The following SPATA17 variants were observed in gnomAD, a reference collection of about 807,000 sequenced individuals.
SPATA17 encodes the protein spermatogenesis associated 17.
In SPATA17, 53 loss-of-function variants were observed where a neutral mutation model predicts 62.2. The ratio of observed to expected loss-of-function variants is 0.85; its 90% CI spans 0.68 to 1.07. SPATA17 has a LOEUF of 1.07. Ranked by LOEUF, SPATA17 falls within the 50% of genes least tolerant of loss-of-function variation. The pLI, the probability that SPATA17 is intolerant of heterozygous loss-of-function variation, is 0.00. For missense variants in SPATA17, 466 were observed against 425.5 expected (o/e 1.10, Z -0.84); for synonymous variants, 146 against 146.8 (o/e 0.99, Z 0.04).
intron 6 of SPATA17, among the ~76,000 whole-genome samples, chr1:217,742,832 G>A (rs1462307338): frequency 1.3e-5 from 2 of 152,010 alleles, no homozygotes; most frequent in African/African-American, 4.8e-5. Flanking sequence ...CAAGTTCAGT[G>A]TTGTAGTTCT....
intron 5 of SPATA17, among the ~76,000 whole-genome samples, chr1:217,687,965 C>A (rs1368115160): frequency 6.6e-6 from 1 of 152,164 alleles, no homozygotes; most frequent in African/African-American, 2.4e-5. Context: ...TATATATAAA[C>A]TATGATTAGT....
At chr1:217,792,367 A>C (rs1674015301) in intron 8 of SPATA17, among the ~76,000 whole-genome samples, 1 of 152,232 alleles carries the variant, frequency 6.6e-6, no homozygotes, top group Non-Finnish European at 1.5e-5. Context: ...AAAGACCCAA[A>C]GAAAAACTGG....
chr1:217,717,343 C>T (rs975191726), intron 5 of SPATA17, among the ~76,000 whole-genome samples: 1 of 152,150 alleles, frequency 6.6e-6, no homozygotes, highest in Non-Finnish European at 1.5e-5. Flanking sequence ...GGCACGGTGG[C>T]TCACACCTGT....
chr1:217,750,006 T>TATATATATATATATATATATATATATAC (rs1172405177), intron 6 of SPATA17, among the ~76,000 whole-genome samples: 2 of 129,014 alleles, frequency 1.6e-5, no homozygotes, highest in Non-Finnish European at 3.3e-5. Flanking sequence ...TATATATATA[T>TATATATATATATATATATATATATATAC]ATATATGAGG....
At chr1:217,852,081 T>C (rs1675679332) in intron 9 of SPATA17, among the ~76,000 whole-genome samples, 1 of 152,122 alleles carries the variant, frequency 6.6e-6, no homozygotes, top group African/African-American at 2.4e-5. Context: ...GAATGAAACA[T>C]GTACCCTGTT....
intron 5 of SPATA17, among the ~76,000 whole-genome samples, chr1:217,684,840 C>A (rs1671179472): frequency 6.6e-6 from 1 of 152,090 alleles, no homozygotes; most frequent in Non-Finnish European, 1.5e-5. Context: ...ACTAATTTCC[C>A]AACTACTAAC....
intron 6 of SPATA17, among the ~76,000 whole-genome samples, chr1:217,761,998 C>T (rs189209374): frequency 6.6e-6 from 1 of 152,310 alleles, no homozygotes; most frequent in East Asian, 1.9e-4. Context: ...TGCTGTTCCA[C>T]CTCTTCGTAG....
Position 217,869,641 on chromosome 1 carries a change from A to G in SPATA17, c.*2622A>G, listed in dbSNP as rs1676089735. On this transcript the variant is annotated 3_prime_UTR_variant, in exon 11 of 11. Transcript: ENST00000366933. ...TACTACAGTCAGGCTGAAACTTGGC[A>G]TCTTATTGCTATGAAAAATCTTAAG... 6.6e-6 allele frequency: 1 copy of G among 152,106 alleles called. No homozygotes were observed. The highest frequency in any genetic ancestry group is 1.5e-5 in the Non-Finnish European group (1 of 68,018). The allele number at this position is 152,106 out of a possible 1,614,324, so 9.4% of individuals were successfully genotyped here.
intron 6 of SPATA17, among the ~76,000 whole-genome samples, chr1:217,749,076 T>A (rs1203388399): frequency 1.3e-5 from 2 of 152,216 alleles, no homozygotes; most frequent in Non-Finnish European, 2.9e-5. Context: ...TGTGTATCTA[T>A]GTGCCATATG....
At chr1:217,717,478 G>A (rs1271431507) in intron 5 of SPATA17, among the ~76,000 whole-genome samples, 1 of 152,108 alleles carries the variant, frequency 6.6e-6, no homozygotes, top group East Asian at 1.9e-4. Context: ...TGGCGAGGTG[G>A]TGGGCTCCTG....
At chr1:217,720,978 T>C (rs1046915280) in intron 5 of SPATA17, among the ~76,000 whole-genome samples, 1 of 152,144 alleles carries the variant, frequency 6.6e-6, no homozygotes, top group Non-Finnish European at 1.5e-5. Flanking sequence ...TAGAAAGACA[T>C]ATATATCCAG....
intron 3 of SPATA17, among the ~76,000 whole-genome samples, chr1:217,662,032 CT>C (rs1314612955): frequency 1.3e-5 from 2 of 152,224 alleles, no homozygotes; most frequent in East Asian, 3.9e-4. Flanking sequence ...TAGAAATATC[CT>C]TTCATTTGCT....
At chr1:217,853,847 T>C (rs143241739) in intron 9 of SPATA17, among the ~76,000 whole-genome samples, 1 of 152,316 alleles carries the variant, frequency 6.6e-6, no homozygotes, top group East Asian at 1.9e-4. Context: ...CTAGCATGTA[T>C]GTTCTCTACA....
At chr1:217,795,773 G>A (rs1159330063) in intron 8 of SPATA17, among the ~76,000 whole-genome samples, 2 of 151,958 alleles carry the variant, frequency 1.3e-5, no homozygotes, top group East Asian at 3.9e-4. Context: ...GGATATAGTT[G>A]TTTGTATTTC....
intron 4 of SPATA17, among the ~76,000 whole-genome samples, chr1:217,669,649 G>T (rs187186677): frequency 5.5e-4 from 83 of 152,232 alleles, no homozygotes; most frequent in Admixed American, 5.0e-3. Context: ...TTTTGTTTCA[G>T]ACAATATGAT....
At chr1:217,803,750 G>A (rs1674369094) in intron 9 of SPATA17, among the ~76,000 whole-genome samples, 1 of 152,174 alleles carries the variant, frequency 6.6e-6, no homozygotes, top group South Asian at 2.1e-4. Context: ...AGGCAGGGTG[G>A]CTCATGCCTG....
intron 4 of SPATA17, among the ~76,000 whole-genome samples, chr1:217,679,851 A>G (rs1050138938): frequency 3.3e-5 from 5 of 152,166 alleles, no homozygotes; most frequent in Admixed American, 2.6e-4. Flanking sequence ...TTACTTGAAC[A>G]CAAATTTTTC....
intron 7 of SPATA17, among the ~76,000 whole-genome samples, chr1:217,779,130 A>T (rs1298452504): frequency 6.9e-6 from 1 of 145,106 alleles, no homozygotes; most frequent in African/African-American, 2.5e-5. Context: ...AAATACACAC[A>T]TTTGTAAAAC....
chr1:217,644,901 A>G (rs1670145761), intron 1 of SPATA17, among the ~76,000 whole-genome samples: 1 of 152,128 alleles, frequency 6.6e-6, no homozygotes, highest in Non-Finnish European at 1.5e-5. Flanking sequence ...ATTCACTGCT[A>G]TAGGATTTTC....
Sources: allele counts gnomAD v4.1 joint callset (sites outside exome capture counted in the v4.1 genomes callset), GRCh38; gene constraint gnomAD v4.1.1; transcripts MANE v1.5; gene names NCBI Gene and HGNC (gene_info 2026-07-23, HGNC 2026-07-21).